NHS: variants seen among roughly 807,000 people sequenced by gnomAD.
NHS encodes the protein NHS actin remodeling regulator.
Under a neutral mutation model 72.5 loss-of-function variants are expected in NHS, and 5 were observed. That is an observed-to-expected ratio of 0.07 (90% CI 0.04 to 0.14). The LOEUF is 0.14. NHS is among the 10% of genes least tolerant of loss of function. NHS has a pLI of 1.00. For missense variants in NHS, 1,072 were observed against 1,355.7 expected, an observed-to-expected ratio of 0.79 and a Z score of 3.29; for synonymous variants, 464 against 547.7, an observed-to-expected ratio of 0.85 and a Z score of 2.13.
At chrX:17,524,093 G>T (rs971572705) in intron 1 of NHS, among the ~76,000 whole-genome samples, 5 of 112,326 alleles carry the variant, frequency 4.5e-5, no homozygotes, top group African/African-American at 1.3e-4. Flanking sequence ...GGTGATGTTT[G>T]CTTGTTTCAC....
At chrX:17,660,126 C>A (rs2065975904) in intron 1 of NHS, among the ~76,000 whole-genome samples, 1 of 112,206 alleles carries the variant, frequency 8.9e-6, no homozygotes, top group African/African-American at 3.2e-5. Context: ...AATGGATACA[C>A]AGGATTGAGC....
chrX:17,607,957 C>T (rs2065689845), intron 1 of NHS, among the ~76,000 whole-genome samples: 1 of 96,710 alleles, frequency 1.0e-5, no homozygotes, highest in African/African-American at 3.9e-5. Flanking sequence ...CTGTCTCTGT[C>T]ACCCACGCTG....
intron 3 of NHS, among the ~76,000 whole-genome samples, chrX:17,718,544 G>A (rs2066380239): frequency 1.0e-5 from 1 of 99,260 alleles, no homozygotes; most frequent in Non-Finnish European, 2.1e-5. Flanking sequence ...AAAAAGGAAG[G>A]AGGGAAGGAA....
chrX:17,729,747 A>G (rs1198246201), intron 8 of NHS, among the ~76,000 whole-genome samples: 2 of 112,069 alleles, frequency 1.8e-5, no homozygotes, highest in African/African-American at 3.2e-5. Flanking sequence ...GAGCTAGCCA[A>G]TCATGATTTG....
intron 1 of NHS, among the ~76,000 whole-genome samples, chrX:17,395,578 C>G (rs919196537): frequency 1.8e-5 from 2 of 112,057 alleles, no homozygotes; most frequent in Non-Finnish European, 3.8e-5. Flanking sequence ...TGTAAATGAA[C>G]TGTGGGGGAC....
intron 1 of NHS, among the ~76,000 whole-genome samples, chrX:17,574,454 A>C (rs1157403326): frequency 1.8e-5 from 2 of 112,376 alleles, no homozygotes; most frequent in Non-Finnish European, 3.8e-5. Flanking sequence ...GGTCTATCTC[A>C]GAATGCTGTG....
At chrX:17,400,386 G>GT (rs1435032011) in intron 1 of NHS, among the ~76,000 whole-genome samples, 2 of 111,521 alleles carry the variant, frequency 1.8e-5, no homozygotes, top group Non-Finnish European at 3.8e-5. Flanking sequence ...AGGATTTCGA[G>GT]ACCAGCCTGG....
intron 1 of NHS, among the ~76,000 whole-genome samples, chrX:17,407,372 A>G (rs1303822754): frequency 9.0e-6 from 1 of 111,375 alleles, no homozygotes; most frequent in Non-Finnish European, 1.9e-5. Flanking sequence ...AAAAGCCTAG[A>G]CAGTTTGGAT....
chrX:17,680,027 G>A (rs1438633808), intron 1 of NHS, among the ~76,000 whole-genome samples: 1 of 112,341 alleles, frequency 8.9e-6, no homozygotes, highest in African/African-American at 3.2e-5. Context: ...CTCTTGGCGG[G>A]TGTGTCCTTC....
At chrX:17,553,335 C>T (rs1020567756) in intron 1 of NHS, among the ~76,000 whole-genome samples, 2 of 112,773 alleles carry the variant, frequency 1.8e-5, no homozygotes, top group Non-Finnish European at 1.9e-5. Flanking sequence ...GCCCTGAGGG[C>T]GTTTGATCCA....
chrX:17,472,833 G>A (rs772517902), intron 1 of NHS, among the ~76,000 whole-genome samples: 1 of 112,002 alleles, frequency 8.9e-6, no homozygotes, highest in African/African-American at 3.2e-5. Context: ...TCATGGGTGA[G>A]TCTCTCAATG....
intron 1 of NHS, among the ~76,000 whole-genome samples, chrX:17,559,143 A>G (rs1038529052): frequency 1.8e-5 from 2 of 111,998 alleles, no homozygotes; most frequent in African/African-American, 6.5e-5. Flanking sequence ...GGGCTGTTCC[A>G]TCAAGGGAAG....
intron 1 of NHS, among the ~76,000 whole-genome samples, chrX:17,458,587 G>A (rs2064834502): frequency 1.8e-5 from 2 of 110,696 alleles, no homozygotes; most frequent in South Asian, 3.9e-4. Flanking sequence ...CTGCCTCCCG[G>A]GTTCAAGCAA....
chrX:17,513,765 G>T (rs1229739695), intron 1 of NHS, among the ~76,000 whole-genome samples: 1 of 112,296 alleles, frequency 8.9e-6, no homozygotes, highest in Non-Finnish European at 1.9e-5. Context: ...CTGGAGGGAG[G>T]TGCTACTGCC....
At chrX:17,486,398 A>T (rs2064967677) in intron 1 of NHS, among the ~76,000 whole-genome samples, 1 of 112,185 alleles carries the variant, frequency 8.9e-6, no homozygotes, top group Non-Finnish European at 1.9e-5. Flanking sequence ...TCAGTTTTGC[A>T]GATCAGCCAT....
chrX:17,723,741 G>GTGTGTGTGTGTGTGTGTGTGTGTA (rs1569318238), intron 5 of NHS, among the ~76,000 whole-genome samples: 37 of 91,960 alleles, frequency 4.0e-4, no homozygotes, highest in African/African-American at 1.8e-3. Flanking sequence ...GTGTGTGTGT[G>GTGTGTGTGTGTGTGTGTGTGTGTA]TGTGTGTGTG....
At chrX:17,439,743 A>G (rs758667027) in intron 1 of NHS, among the ~76,000 whole-genome samples, 9 of 112,276 alleles carry the variant, frequency 8.0e-5, no homozygotes, top group Non-Finnish European at 1.3e-4. Flanking sequence ...ATGAACATAC[A>G]TTGCTTTTGT....
intron 1 of NHS, among the ~76,000 whole-genome samples, chrX:17,463,299 A>G (rs780805115): frequency 2.0e-3 from 220 of 110,904 alleles, no homozygotes; most frequent in Non-Finnish European, 3.6e-3. Context: ...AGCCCATAAA[A>G]AGCACCATAG....
At chrX:17,430,267 CTTTCTT>C (rs1216806477) in intron 1 of NHS, among the ~76,000 whole-genome samples, 1 of 33,833 alleles carries the variant, frequency 3.0e-5, no homozygotes, top group Non-Finnish European at 5.0e-5. Context: ...CTTTTTCTTT[CTTTCTT>C]TCTTTCTTTC....
Sources: allele counts gnomAD v4.1 joint callset (sites outside exome capture counted in the v4.1 genomes callset), GRCh38; gene constraint gnomAD v4.1.1; transcripts MANE v1.5; gene names NCBI Gene and HGNC (gene_info 2026-07-23, HGNC 2026-07-21).